NOS1AP: variants seen among roughly 807,000 people sequenced by gnomAD.
The protein encoded by NOS1AP is nitric oxide synthase 1 adaptor protein.
A neutral mutation model predicts 56.2 loss-of-function variants in NOS1AP; 21 were observed. The observed-to-expected ratio is 0.37, with a 90% CI of 0.26 to 0.54. The LOEUF is 0.54. Among genes scored for constraint, NOS1AP ranks in the 20% least tolerant of loss-of-function variants. NOS1AP has a pLI of 0.84. For missense variants in NOS1AP, 522 were observed against 657.8 expected (o/e 0.79, Z 2.26); for synonymous variants, 270 against 274.6 (o/e 0.98, Z 0.17).
At chr1:162,160,475 G>A (rs545991271) in intron 2 of NOS1AP, among the ~76,000 whole-genome samples, 1 of 152,272 alleles carries the variant, frequency 6.6e-6, no homozygotes, top group East Asian at 1.9e-4. Flanking sequence ...ACTGGTGGAC[G>A]GGCGGCTTTA....
intron 1 of NOS1AP, among the ~76,000 whole-genome samples, chr1:162,140,622 C>G (rs1355774895): frequency 1.3e-5 from 2 of 152,104 alleles, no homozygotes; most frequent in Non-Finnish European, 2.9e-5. Flanking sequence ...GTGCATATAT[C>G]TTTTTTGGTA....
intron 1 of NOS1AP, among the ~76,000 whole-genome samples, chr1:162,099,720 G>A (rs1692336603): frequency 6.6e-6 from 1 of 152,014 alleles, no homozygotes; most frequent in Non-Finnish European, 1.5e-5. Flanking sequence ...CCATGTTGGT[G>A]TGCTGCACCC....
chr1:162,332,015 C>T (rs1656786319), intron 4 of NOS1AP, among the ~76,000 whole-genome samples: 2 of 152,242 alleles, frequency 1.3e-5, no homozygotes, highest in Admixed American at 1.3e-4. Flanking sequence ...TCTCATCTCA[C>T]GTAGAATATA....
At chr1:162,227,897 A>T (rs1652992152) in intron 2 of NOS1AP, among the ~76,000 whole-genome samples, 3 of 152,206 alleles carry the variant, frequency 2.0e-5, no homozygotes, top group Admixed American at 2.0e-4. Context: ...AAAAAAGAGA[A>T]ACCAGGGAGC....
intron 4 of NOS1AP, among the ~76,000 whole-genome samples, chr1:162,329,039 C>T (rs555692654): frequency 3.9e-5 from 6 of 152,176 alleles, no homozygotes; most frequent in East Asian, 1.9e-4. Flanking sequence ...TTTAAAATCA[C>T]GTTGTCAACC....
intron 2 of NOS1AP, among the ~76,000 whole-genome samples, chr1:162,230,675 T>C (rs1653093654): frequency 2.0e-5 from 3 of 152,224 alleles, no homozygotes. Context: ...GCAACACCAG[T>C]TAACCACGAT....
At chr1:162,298,516 T>C (rs893947735) in intron 3 of NOS1AP, among the ~76,000 whole-genome samples, 3 of 152,222 alleles carry the variant, frequency 2.0e-5, no homozygotes, top group Non-Finnish European at 4.4e-5. Flanking sequence ...AACCCAGCCT[T>C]AACTCCCTTC....
At chr1:162,073,847 G>A (rs1416892405) in intron 1 of NOS1AP, among the ~76,000 whole-genome samples, 3 of 152,166 alleles carry the variant, frequency 2.0e-5, no homozygotes, top group African/African-American at 7.2e-5. Flanking sequence ...TTCAGAGTGG[G>A]TACCTGGCTT....
chr1:162,326,420 C>T (rs1192445796), intron 4 of NOS1AP, among the ~76,000 whole-genome samples: 2 of 152,074 alleles, frequency 1.3e-5, no homozygotes, highest in African/African-American at 2.4e-5. Flanking sequence ...TTAGGATTCT[C>T]CAGTGAAACA....
chr1:162,140,177 G>T (rs1649177392), intron 1 of NOS1AP, among the ~76,000 whole-genome samples: 1 of 152,152 alleles, frequency 6.6e-6, no homozygotes, highest in South Asian at 2.1e-4. Context: ...TCCCAGAGAA[G>T]ACCTTTGCCT....
At chr1:162,171,169 T>C (rs1209083023) in intron 2 of NOS1AP, among the ~76,000 whole-genome samples, 2 of 151,972 alleles carry the variant, frequency 1.3e-5, no homozygotes, top group Admixed American at 1.3e-4. Flanking sequence ...ACTCAAGGCT[T>C]TTACCCAAAG....
intron 2 of NOS1AP, among the ~76,000 whole-genome samples, chr1:162,182,858 A>T (rs1467486104): frequency 1.3e-5 from 2 of 152,104 alleles, no homozygotes; most frequent in South Asian, 2.1e-4. Flanking sequence ...TACTTCCTCC[A>T]CTGGAGTCTG....
At chr1:162,151,357 T>TA (rs1649697509) in intron 1 of NOS1AP, among the ~76,000 whole-genome samples, 1 of 152,250 alleles carries the variant, frequency 6.6e-6, no homozygotes, top group Non-Finnish European at 1.5e-5. Context: ...CTGTTTTGGT[T>TA]ACATGTTCTG....
intron 8 of NOS1AP, chr1:162,364,330 T>G (rs1657997021): frequency 2.0e-6 from 2 of 985,318 alleles, no homozygotes; most frequent in African/African-American, 3.5e-5. Context: ...CCATAAAAAT[T>G]CATTAGTTCC....
intron 1 of NOS1AP, among the ~76,000 whole-genome samples, chr1:162,101,202 C>T (rs564098190): frequency 6.6e-6 from 1 of 152,160 alleles, no homozygotes; most frequent in South Asian, 2.1e-4. Context: ...GAATCTTTTC[C>T]CCATTGTTTG....
At chr1:162,073,497 G>GT in intron 1 of NOS1AP, among the ~76,000 whole-genome samples, 1 of 152,258 alleles carries the variant, frequency 6.6e-6, no homozygotes, top group Admixed American at 6.5e-5. Flanking sequence ...TTTTGCTCTT[G>GT]TTGCCCAGGC....
At chr1:162,179,728 G>GGAGA (rs897560324) in intron 2 of NOS1AP, among the ~76,000 whole-genome samples, 1 of 152,160 alleles carries the variant, frequency 6.6e-6, no homozygotes, top group African/African-American at 2.4e-5. Flanking sequence ...GAGAGCACAG[G>GGAGA]GAGGGCTGGA....
intron 4 of NOS1AP, chr1:162,316,746 G>A (rs747540215): frequency 6.5e-6 from 1 of 152,706 alleles, no homozygotes; most frequent in African/African-American, 2.4e-5. Context: ...ATTCTCAAGG[G>A]TGGGGAGAAT....
At chr1:162,104,001 T>C (rs1038012003) in intron 1 of NOS1AP, among the ~76,000 whole-genome samples, 2 of 152,370 alleles carry the variant, frequency 1.3e-5, no homozygotes, top group Middle Eastern at 3.4e-3. Flanking sequence ...CTTCATAGTA[T>C]CACTGGTCTG....
Sources: gnomAD v4.1 joint callset for allele counts (sites outside exome capture counted in the v4.1 genomes callset) on GRCh38, gnomAD v4.1.1 for gene constraint, MANE v1.5 for transcripts, NCBI Gene and HGNC (gene_info 2026-07-23, HGNC 2026-07-21) for gene names.